RBFOX1: variants seen among roughly 807,000 people sequenced by gnomAD.
RBFOX1 encodes RNA binding protein fox-1 homolog 1.
RBFOX1 carries 8 observed loss-of-function variants against 57.7 expected under a neutral mutation model. The ratio of observed to expected loss-of-function variants is 0.14; its 90% CI spans 0.08 to 0.25. The LOEUF (loss-of-function observed/expected upper bound fraction) is 0.25. Among genes scored for constraint, RBFOX1 ranks in the 10% least tolerant of loss-of-function variants. The probability of loss-of-function intolerance (pLI) is 1.00; values close to 1 mark genes in which losing one functional copy is unlikely to be tolerated. For missense variants in RBFOX1, 611 were observed against 548.5 expected, an observed-to-expected ratio of 1.11 and a Z score of -1.14; for synonymous variants, 326 against 222.4, an observed-to-expected ratio of 1.47 and a Z score of -4.15.
chr16:5,960,928 C>T (rs922767564), intron 4 of RBFOX1, among the ~76,000 whole-genome samples: 1 of 152,122 alleles, frequency 6.6e-6, no homozygotes, highest in Non-Finnish European at 1.5e-5. Context: ...GGTGGAACCG[C>T]AATTGTGGTC....
chr16:5,391,611 C>T (rs747437132), intron 1 of RBFOX1, among the ~76,000 whole-genome samples: 95 of 152,200 alleles, frequency 6.2e-4, no homozygotes, highest in Non-Finnish European at 1.2e-3. Context: ...CTCCAGAGTT[C>T]GTTCCTCCTG....
At chr16:7,034,873 G>C (rs1216262804) in intron 3 of RBFOX1, among the ~76,000 whole-genome samples, 1 of 11,082 alleles carries the variant, frequency 9.0e-5, no homozygotes, top group Middle Eastern at 0.029. Context: ...TTTTGAGATG[G>C]AGTCCTGCTC....
At chr16:6,318,012 A>G (rs775679853) in intron 2 of RBFOX1, among the ~76,000 whole-genome samples, 8 of 152,158 alleles carry the variant, frequency 5.3e-5, no homozygotes, top group African/African-American at 1.9e-4. Context: ...ATTGGAGGAC[A>G]TGGGACTCCA....
intron 4 of RBFOX1, among the ~76,000 whole-genome samples, chr16:5,948,444 C>T (rs967403028): frequency 6.6e-6 from 1 of 152,168 alleles, no homozygotes; most frequent in Non-Finnish European, 1.5e-5. Flanking sequence ...TCATGTCTAC[C>T]TGGAACCTCA....
At chr16:7,411,071 G>A (rs562721792) in intron 4 of RBFOX1, among the ~76,000 whole-genome samples, 1 of 151,996 alleles carries the variant, frequency 6.6e-6, no homozygotes, top group Admixed American at 6.6e-5. Flanking sequence ...TCAGCGTACC[G>A]AGTAGCTGGG....
At chr16:7,230,671 A>T (rs75264826) in intron 4 of RBFOX1, among the ~76,000 whole-genome samples, 11,586 of 152,274 alleles carry the variant, frequency 0.076, 619 homozygotes, top group Middle Eastern at 0.11. Context: ...CAGTTGAGAT[A>T]CTAAATATAG....
At chr16:7,556,551 C>T (rs2152607039) in intron 5 of RBFOX1, among the ~76,000 whole-genome samples, 1 of 152,268 alleles carries the variant, frequency 6.6e-6, no homozygotes, top group African/African-American at 2.4e-5. Flanking sequence ...CCTTCATGGG[C>T]CTATCTTTGT....
At chr16:6,857,628 T>G (rs986586862) in intron 3 of RBFOX1, among the ~76,000 whole-genome samples, 14 of 152,216 alleles carry the variant, frequency 9.2e-5, no homozygotes, top group Admixed American at 8.5e-4. Flanking sequence ...TTTTCAGTGT[T>G]AAACTGTGTA....
chr16:6,347,829 T>A (rs985175105), intron 2 of RBFOX1, among the ~76,000 whole-genome samples: 11 of 152,208 alleles, frequency 7.2e-5, no homozygotes, highest in African/African-American at 2.7e-4. Flanking sequence ...AGTTGTTTGT[T>A]GAAAGAATGA....
chr16:6,026,280 A>G (rs1324291212), intron 1 of RBFOX1, among the ~76,000 whole-genome samples: 2 of 152,216 alleles, frequency 1.3e-5, no homozygotes, highest in Non-Finnish European at 1.5e-5. Flanking sequence ...GCGTGGTGCA[A>G]GGCACACAGC....
chr16:6,408,329 G>A (rs1357746705), intron 2 of RBFOX1, among the ~76,000 whole-genome samples: 1 of 152,176 alleles, frequency 6.6e-6, no homozygotes, highest in Non-Finnish European at 1.5e-5. Flanking sequence ...GGAATAAGGT[G>A]TGTGTGCAGG....
At chr16:6,673,582 A>C (rs1306929314) in intron 3 of RBFOX1, among the ~76,000 whole-genome samples, 1 of 152,120 alleles carries the variant, frequency 6.6e-6, no homozygotes, top group East Asian at 1.9e-4. Flanking sequence ...CAAGCCTGGG[A>C]GACAGAGCGA....
At chr16:6,206,485 C>G (rs1033677424) in intron 1 of RBFOX1, among the ~76,000 whole-genome samples, 2 of 152,176 alleles carry the variant, frequency 1.3e-5, no homozygotes, top group East Asian at 1.9e-4. Context: ...GCTTTCCTCA[C>G]CAAAACACAG....
In RBFOX1 at chr16:7,054,213, CGGG is replaced by C. The variant is rs71147642; in HGVS notation, c.27+2125_27+2127del. On this transcript the variant is annotated intron_variant, in intron 4 of 15. Transcript: ENST00000550418. ...CCCTTATTAAGGTGATTTTTTTTTTCGGGGGGGGGGGGCGGGGAGCTTTTTTTT... is the reference window on the plus strand; with the variant it reads ...CCCTTATTAAGGTGATTTTTTTTTTCGGGGGGGGGCGGGGAGCTTTTTTTT... 1.0e-3 allele frequency among the ~76,000 whole-genome samples: 18 copies of C among 17,830 alleles called. 2 individuals are homozygous for C. Among genetic ancestry groups the C allele is most frequent in the African/African-American group, 7.4e-3 (16 of 2,172 alleles). 11.7% of individuals were successfully genotyped at this position (17,830 alleles called of 152,430 possible).
In RBFOX1 at chr16:6,336,181, A is replaced by ATTT. The variant is rs1156246510; in HGVS notation, c.-64+19157_-64+19159dup. 8.9e-4 allele frequency among the ~76,000 whole-genome samples: 24 copies of ATTT among 27,026 alleles called. 7 individuals carry two copies. The highest frequency in any genetic ancestry group is 1.2e-3 in the Non-Finnish European group (19 of 15,708). 17.7% of individuals were successfully genotyped at this position (27,026 alleles called of 152,430 possible). ...TATATATATATATATATATATATAT[A>ATTT]TTTTTTTTTTTTTTTTTTTTTTTTT... On this transcript the variant is annotated intron_variant, in intron 2 of 15. Transcript: ENST00000550418.
intron 10 of RBFOX1, among the ~76,000 whole-genome samples, chr16:7,618,387 A>G (rs1383899647): frequency 6.6e-6 from 1 of 152,184 alleles, no homozygotes. Context: ...GGAGCAGATT[A>G]TCAACTGTTC....
At chr16:7,677,254 A>T (rs2073615233) in intron 14 of RBFOX1, among the ~76,000 whole-genome samples, 2 of 151,998 alleles carry the variant, frequency 1.3e-5, no homozygotes, top group Admixed American at 1.3e-4. Flanking sequence ...GTTTACTTCA[A>T]TTTCAAGCCC....
At chr16:5,508,329 C>T (rs549081918) in intron 2 of RBFOX1, among the ~76,000 whole-genome samples, 1 of 152,246 alleles carries the variant, frequency 6.6e-6, no homozygotes, top group South Asian at 2.1e-4. Context: ...CCCTCAGCTC[C>T]TTGCCAACTA....
intron 5 of RBFOX1, among the ~76,000 whole-genome samples, chr16:7,540,184 T>G (rs1322367446): frequency 6.6e-6 from 1 of 152,232 alleles, no homozygotes; most frequent in Non-Finnish European, 1.5e-5. Flanking sequence ...TTTTATAGTG[T>G]ACTCCCAAGC....
Sources: allele counts gnomAD v4.1 joint callset (sites outside exome capture counted in the v4.1 genomes callset), GRCh38; gene constraint gnomAD v4.1.1; transcripts MANE v1.5; gene names NCBI Gene and HGNC (gene_info 2026-07-23, HGNC 2026-07-21).